The following SMARCC2 variants were observed in gnomAD, a reference collection of about 807,000 sequenced individuals.
SMARCC2 encodes the protein SWI/SNF related BAF chromatin remodeling complex subunit C2.
In SMARCC2, 15 loss-of-function variants were observed where a neutral mutation model predicts 151.3. The observed-to-expected ratio is 0.10, with a 90% CI of 0.07 to 0.15. The LOEUF (loss-of-function observed/expected upper bound fraction) is 0.15. SMARCC2 is among the 10% of genes least tolerant of loss of function. The pLI is 1.00. For missense variants in SMARCC2, 1,031 were observed against 1,599.7 expected (o/e 0.64, Z 6.06); for synonymous variants, 590 against 609.5 (o/e 0.97, Z 0.47).
chr12:56,175,502 G>T (rs369794371), intron 15 of SMARCC2, among the ~76,000 whole-genome samples: 27 of 152,098 alleles, frequency 1.8e-4, no homozygotes, highest in Non-Finnish European at 3.5e-4. Context: ...AATTTACTTC[G>T]AATTTTTAAA....
At position 56,163,658 on chromosome 12, in the gene SMARCC2, G is replaced by GCAC; in HGVS notation, c.*30_*31insGTG. On this transcript the variant is annotated 3_prime_UTR_variant, in exon 29 of 29. Transcript: ENST00000550164. ...TTCCTGGAACCGTGATGTCCACAGG[G>GCAC]GGTGAGGGGGAGAGATGTCTGGCTG... is the stretch of plus-strand genomic sequence containing the variant. 1 of 1,351,242 alleles carries GCAC rather than the reference G, an allele frequency of 7.4e-7. No homozygotes were observed. Among genetic ancestry groups the GCAC allele is most frequent in the Non-Finnish European group, 1.0e-6 (1 of 1,003,002 alleles). The allele number at this position is 1,351,242 out of a possible 1,614,324, so 83.7% of individuals were successfully genotyped here.
chr12:56,167,994 A>G, intron 26 of SMARCC2, 66 bp downstream of exon 26: 1 of 1,439,444 alleles, frequency 6.9e-7, no homozygotes, highest in Non-Finnish European at 9.6e-7. Context: ...ACACACACAC[A>G]CACACGCCCC....
intron 5 of SMARCC2, 61 bp from the exon 6 acceptor site, chr12:56,184,305 C>T (rs1876826225): frequency 2.9e-5 from 36 of 1,230,342 alleles, no homozygotes; most frequent in Non-Finnish European, 4.0e-5. Context: ...CAAGGTTTAG[C>T]CACAGAGCTG....
At position 56,189,462 on chromosome 12, in the gene SMARCC2, C is replaced by T. The variant is rs762728342; in HGVS notation, c.-1G>A. On this transcript the variant is annotated 5_prime_UTR_variant, in exon 1 of 29. Coordinates refer to ENST00000550164, the MANE Select transcript of SMARCC2 (RefSeq NM_001330288.2). ...CGCCGTCCTTCTTCCGCACCGCCATCTTCTCCGGCTCGGGCCCCGCCGCCG... is the reference window on the plus strand; with the variant it reads ...CGCCGTCCTTCTTCCGCACCGCCATTTTCTCCGGCTCGGGCCCCGCCGCCG... The T allele has an allele frequency of 4.7e-6, 7 of 1,480,102 alleles. No individual in the cohort carries two copies. The Admixed American group carries it at 6.1e-5, about 13-fold the overall frequency. The allele number at this position is 1,480,102 out of a possible 1,614,324, so 91.7% of individuals were successfully genotyped here. A position where few individuals can be genotyped will look rare whatever the true frequency, so the allele number is the denominator to read the frequency against.
intron 26 of SMARCC2, among the ~76,000 whole-genome samples, chr12:56,166,071 T>C (rs1303215106): frequency 6.6e-6 from 1 of 152,254 alleles, no homozygotes; most frequent in Non-Finnish European, 1.5e-5. Flanking sequence ...TAGGAAGCTA[T>C]CCCAGATCAA....
chr12:56,174,514 C>T (rs1160733593), intron 16 of SMARCC2, 137 bp downstream of exon 16: 13 of 629,022 alleles, frequency 2.1e-5, no homozygotes, highest in Non-Finnish European at 2.9e-5. Context: ...TTCCCCAAAC[C>T]TGTACTTCAC....
At position 56,162,573 on chromosome 12, in the gene SMARCC2, G is replaced by A; in HGVS notation, c.*1116C>T. On this transcript the variant is annotated 3_prime_UTR_variant, in exon 29 of 29. Transcript: ENST00000550164. ...GCCTTCCCGTCACAGGGGAGAAGCT[G>A]GGACACGTGGAGCAGGAATGCGGGA... is the stretch of plus-strand genomic sequence containing the variant. 2.2e-6 allele frequency: 1 copy of A among 463,846 alleles called. No homozygotes were observed. Among genetic ancestry groups the A allele is most frequent in the Non-Finnish European group, 3.8e-6 (1 of 263,082 alleles). The allele number at this position is 463,846 out of a possible 1,614,324, so 28.7% of individuals were successfully genotyped here. A position where few individuals can be genotyped will look rare whatever the true frequency, so the allele number is the denominator to read the frequency against.
At position 56,171,509 on chromosome 12, in the gene SMARCC2, C is replaced by T. The variant is rs1048427582; in HGVS notation, c.2186-77G>A. Reference sequence around the variant, plus strand: ...GGCAATCCCTGCAAAAGCTTACTCACAAGCCCATGTCTTCATCTAAGCTAG... The same window carrying T: ...GGCAATCCCTGCAAAAGCTTACTCATAAGCCCATGTCTTCATCTAAGCTAG... On this transcript the variant is annotated intron_variant, in intron 21 of 28. Transcript: ENST00000550164. This position sits in a 1 kb window ranked among gnomAD's most constrained non-coding sequence, Gnocchi z 4.2. 6.3e-6 allele frequency: 10 copies of T among 1,583,802 alleles called. No individual in the cohort carries two copies. The South Asian group carries it at 9.0e-5, about 14-fold the overall frequency.
intron 1 of SMARCC2, among the ~76,000 whole-genome samples, chr12:56,188,670 T>C (rs950916753): frequency 6.6e-6 from 1 of 152,174 alleles, no homozygotes; most frequent in Non-Finnish European, 1.5e-5. Context: ...CCCAGGGTAC[T>C]GCAAAGCTAG....
Position 56,178,540 on chromosome 12 carries a change from A to G in SMARCC2, c.1180-6T>C. On this transcript the variant is annotated splice_polypyrimidine_tract_variant and splice_region_variant and intron_variant, in intron 13 of 28. Transcript: ENST00000550164. ...GTACTGTTCTCATCCTCATCCTACG[A>G]GTATGGAGGCTGCTGGACACTCAGC... 2 of 1,614,146 alleles carry G rather than the reference A, an allele frequency of 1.2e-6. No individual in the cohort carries two copies. Among genetic ancestry groups the G allele is most frequent in the Non-Finnish European group, 1.7e-6 (2 of 1,180,024 alleles).
intron 25 of SMARCC2, 57 bp from the exon 26 acceptor site, chr12:56,168,251 C>G: frequency 6.2e-7 from 1 of 1,601,876 alleles, no homozygotes; most frequent in Non-Finnish European, 8.5e-7. Context: ...GAAGACAATA[C>G]AGAAGAAAGG....
chr12:56,183,731 T>C (rs1331789699), intron 7 of SMARCC2, 130 bp downstream of exon 7: 5 of 613,248 alleles, frequency 8.2e-6, no homozygotes, highest in Non-Finnish European at 1.5e-5. Flanking sequence ...GTTCACTTAC[T>C]AGGTGAGAGG....
intron 11 of SMARCC2, among the ~76,000 whole-genome samples, chr12:56,179,577 A>T (rs1319788924): frequency 6.6e-6 from 1 of 152,224 alleles, no homozygotes; most frequent in Non-Finnish European, 1.5e-5. Context: ...CAGAATACAG[A>T]CTGTAAACCA....
chr12:56,168,282 A>G (rs543204861), intron 25 of SMARCC2, 88 bp from the exon 26 acceptor site: 12 of 1,490,878 alleles, frequency 8.0e-6, no homozygotes, highest in East Asian at 2.3e-5. Context: ...GCTGGCAGGT[A>G]TAAGAACAAA....
chr12:56,175,993 G>A (rs950605614), intron 15 of SMARCC2, among the ~76,000 whole-genome samples: 1 of 152,012 alleles, frequency 6.6e-6, no homozygotes, highest in Non-Finnish European at 1.5e-5. Flanking sequence ...CAAGTAGCTG[G>A]GATTACAGGT....
chr12:56,189,430 T>C lies in SMARCC2; in HGVS notation c.32A>G (p.Asn11Ser). Residue 11 changes from asparagine to serine, a missense_variant, in exon 1 of 29, where the codon AAC (asparagine) becomes AGC (serine). Around this residue, in one of 12 missense-constraint regions of SMARCC2, gnomAD observed 50 missense variants for 52.4 expected, o/e 0.95. Coordinates refer to ENST00000550164, the MANE Select transcript of SMARCC2 (RefSeq NM_001330288.2). MAVRKKDGGPNVKYYEAADTV... is the reference protein window; with the variant it reads MAVRKKDGGPSVKYYEAADTV... ...GTCCGCGGCCTCGTAGTACTTCACG[T>C]TGGGGCCGCCGTCCTTCTTCCGCAC... The C allele has an allele frequency of 1.3e-6, 2 of 1,512,130 alleles. No homozygotes were observed. Among genetic ancestry groups the C allele is most frequent in the East Asian group, 2.7e-5 (1 of 36,746 alleles). 93.7% of individuals were successfully genotyped at this position (1,512,130 alleles called of 1,614,324 possible). A position where few individuals can be genotyped will look rare whatever the true frequency, so the allele number is the denominator to read the frequency against.
chr12:56,172,569 G>A lies in SMARCC2; in HGVS notation c.1863+16C>T, dbSNP rs752040000. On this transcript the variant is annotated intron_variant, in intron 19 of 28. Coordinates refer to ENST00000550164, the MANE Select transcript of SMARCC2 (RefSeq NM_001330288.2). ...GCGAACATTCTCTACCCCTAGAGTC[G>A]GCCCGCACCTCCTACCTTGGAGGGA... The A allele has an allele frequency of 8.7e-5, 140 of 1,614,004 alleles. No homozygotes were observed. Among genetic ancestry groups the A allele is most frequent in the Non-Finnish European group, 1.2e-4 (136 of 1,180,014 alleles).
intron 16 of SMARCC2, chr12:56,174,429 AT>A: frequency 2.2e-6 from 1 of 451,954 alleles, no homozygotes; most frequent in Non-Finnish European, 4.0e-6. Flanking sequence ...GTATCTTTCA[AT>A]TACAGACATG....
intron 26 of SMARCC2, 54 bp from the exon 27 acceptor site, chr12:56,165,753 A>G (rs2135640128): frequency 1.9e-6 from 3 of 1,552,774 alleles, no homozygotes; most frequent in South Asian, 2.2e-5. Context: ...CCCAAAGGCA[A>G]ATGCCTCAAC....
Sources: allele counts gnomAD v4.1 joint callset (sites outside exome capture counted in the v4.1 genomes callset), GRCh38; gene constraint gnomAD v4.1.1; regional missense constraint gnomAD v4.1.1; non-coding constraint Gnocchi (gnomAD v3.1); transcripts MANE v1.5; gene names NCBI Gene and HGNC (gene_info 2026-07-23, HGNC 2026-07-21).